The following LMO7 variants were observed in gnomAD, a reference collection of about 807,000 sequenced individuals.
The protein encoded by LMO7 is LIM domain only protein 7.
LMO7 carries 120 observed loss-of-function variants against 206.5 expected under a neutral mutation model. That is an observed-to-expected ratio of 0.58 (90% confidence interval 0.50 to 0.68). The LOEUF (loss-of-function observed/expected upper bound fraction) is 0.68. Among genes scored for constraint, LMO7 ranks in the 30% least tolerant of loss-of-function variants. The pLI is 0.00. For missense variants in LMO7, 1,959 were observed against 1,957.9 expected, an observed-to-expected ratio of 1.00 and a Z score of -0.01; for synonymous variants, 706 against 681.5, an observed-to-expected ratio of 1.04 and a Z score of -0.56.
chr13:75,628,447 G>T (rs1255588414), intron 2 of LMO7: 1 of 152,070 alleles, frequency 6.6e-6, no homozygotes, highest in Non-Finnish European at 1.5e-5. Context: ...ATACCATTAT[G>T]TAAGTACTGA....
At chr13:75,649,499 A>G (rs2037357179) in intron 1 of LMO7, among the ~76,000 whole-genome samples, 1 of 152,194 alleles carries the variant, frequency 6.6e-6, no homozygotes, top group Non-Finnish European at 1.5e-5. Context: ...AGACCATTAA[A>G]CTTGGCAACA....
chr13:75,807,491 T>C lies in LMO7; in HGVS notation c.1208T>C (p.Leu403Pro). The change falls in exon 10 of 31, where the codon CTG (leucine) becomes CCG (proline). Residue 403 changes from leucine (L) to proline (P), a missense_variant. Coordinates refer to ENST00000377534, the MANE Select transcript of LMO7 (RefSeq NM_001306080.2). ...TCTCTGTGCATCAGTCAGTTTTTAC[T>C]GCTTCAGGCCCTCCAAACATACTCT... is the stretch of plus-strand genomic sequence containing the variant. ...KEFQGFSQFL[L>P]LQALQTYSDD... The C allele has an allele frequency of 6.2e-7, 1 of 1,613,252 alleles. No individual in the cohort carries two copies. The highest frequency in any genetic ancestry group is 1.1e-5 in the South Asian group (1 of 91,058).
rs533801716 is a variant in LMO7 at position 75,808,286 on chromosome 13, C to T, written c.1916+87C>T. On this transcript the variant is annotated intron_variant, in intron 10 of 30. Transcript: ENST00000377534. ...TGCGAGAAAGCAGCTCATCGTGTTG[C>T]TCAACTCTGCATGTCGCGTGCCATT... 39 of 1,395,288 alleles carry T rather than the reference C, an allele frequency of 2.8e-5. No individual in the cohort carries two copies. In the African/African-American group the frequency reaches 4.1e-4, roughly 15 times the overall value. The allele number at this position is 1,395,288 out of a possible 1,614,324, so 86.4% of individuals were successfully genotyped here. A position where few individuals can be genotyped will look rare whatever the true frequency, so the allele number is the denominator to read the frequency against.
rs563537602 is a variant in LMO7, at chr13:75,665,953, T to A, written c.69+29227T>A. On this transcript the variant is annotated intron_variant, in intron 1 of 30. Transcript: ENST00000377534. ...GTATTTTCTATTTAAGATCCTATTT[T>A]CTAGGTTATGAAAAGAAATGTTAGA... is the stretch of plus-strand genomic sequence containing the variant. Among the ~76,000 whole-genome samples, 30 of 152,342 alleles carry A rather than the reference T, an allele frequency of 2.0e-4. No homozygotes were observed. The South Asian group carries it at 6.0e-3, about 31-fold the overall frequency.
intron 4 of LMO7, among the ~76,000 whole-genome samples, chr13:75,792,023 A>G (rs931479504): frequency 3.9e-5 from 6 of 151,926 alleles, no homozygotes; most frequent in Non-Finnish European, 8.8e-5. Context: ...CCTGGAGTGC[A>G]GTGGTGTGGT....
intron 28 of LMO7, 41 bp downstream of exon 28, chr13:75,853,429 G>A: frequency 2.7e-6 from 4 of 1,494,232 alleles, no homozygotes; most frequent in African/African-American, 1.4e-5. Context: ...TTAGTCTTGG[G>A]TATTTTTTCA....
In LMO7 at chr13:75,835,263, C is replaced by A. The variant is rs773243656; in HGVS notation, c.3257C>A (p.Thr1086Asn). ...GSPETKWIDA[T>N]SGIYNSEKSS... is the part of the protein sequence containing the mutation. The stretch of plus-strand genomic sequence containing the variant: ...CCTGAAACAAAGTGGATTGATGCAA[C>A]TTCTGGAATTTACAACTCAGAAAAA... Residue 1086 changes from threonine to asparagine, a missense_variant, in exon 18 of 31, where the codon ACT (threonine) becomes AAT (asparagine). By Grantham distance (65) the Thr-to-Asn change is moderately conservative (BLOSUM62 0). Coordinates refer to ENST00000377534, the MANE Select transcript of LMO7 (RefSeq NM_001306080.2). 1.2e-6 allele frequency: 2 copies of A among 1,611,686 alleles called. No individual in the cohort carries two copies. Among genetic ancestry groups the A allele is most frequent in the Non-Finnish European group, 1.7e-6 (2 of 1,178,820 alleles).
Position 75,853,220 on chromosome 13 carries a change from T to C in LMO7, c.4493T>C (p.Leu1498Pro), listed in dbSNP as rs1271713494. The C allele has an allele frequency of 1.9e-6, 3 of 1,614,014 alleles. No individual in the cohort carries two copies. The highest frequency in any genetic ancestry group is 2.7e-5 in the African/African-American group (2 of 74,924). ...VQDFSRPPPQ[L>P]VSTSNRAYMR... The stretch of plus-strand genomic sequence containing the variant: ...GACTTTAGTCGCCCACCACCTCAGC[T>C]GGTGTCCACATCAAACCGTGCCTAC... The change falls in exon 28 of 31, where the codon CTG (leucine) becomes CCG (proline). Residue 1498 changes from leucine (L) to proline (P), a missense_variant. Leu to Pro is a moderately conservative substitution (Grantham distance 98). Transcript: ENST00000377534.
Position 75,850,955 on chromosome 13 carries a change from TG to T in LMO7, c.4364+1664del, listed in dbSNP as rs558518460. Among the ~76,000 whole-genome samples, 626 of 152,316 alleles carry T rather than the reference TG, an allele frequency of 4.1e-3. 6 individuals are homozygous for T. The highest frequency in any genetic ancestry group is 3.8e-3 in the Non-Finnish European group (261 of 68,016). The stretch of plus-strand genomic sequence containing the variant: ...GGCCAGAGCTACTAGTTGAGGGGCC[TG>T]TGTTCTGCATATGGGCCTCTCCACA... On this transcript the variant is annotated intron_variant, in intron 27 of 30. Coordinates refer to ENST00000377534, the MANE Select transcript of LMO7 (RefSeq NM_001306080.2).
At chr13:75,729,990 G>T (rs1375598801) in intron 3 of LMO7, among the ~76,000 whole-genome samples, 1 of 151,962 alleles carries the variant, frequency 6.6e-6, no homozygotes, top group Non-Finnish European at 1.5e-5. Flanking sequence ...ACTTGATCAT[G>T]GTGGATAAGC....
At chr13:75,760,768 G>A (rs2048117079) in intron 3 of LMO7, 164 bp from the exon 4 acceptor site, 1 of 1,537,934 alleles carries the variant, frequency 6.5e-7, no homozygotes, top group Non-Finnish European at 8.7e-7. Flanking sequence ...GGCTGTACAA[G>A]CCCTATGTAT....
At chr13:75,677,496 T>C (rs2040108115) in intron 1 of LMO7, among the ~76,000 whole-genome samples, 1 of 152,176 alleles carries the variant, frequency 6.6e-6, no homozygotes, top group African/African-American at 2.4e-5. Context: ...CAGACAAATA[T>C]ATGGAATGAC....
chr13:75,678,991 G>A (rs942448856), intron 1 of LMO7, among the ~76,000 whole-genome samples: 5 of 152,140 alleles, frequency 3.3e-5, no homozygotes, highest in Admixed American at 6.5e-5. Flanking sequence ...TGTGCTCAGC[G>A]TCTCCAGTGA....
chr13:75,776,135 AT>A (rs1322491442), intron 4 of LMO7, among the ~76,000 whole-genome samples: 2 of 122,814 alleles, frequency 1.6e-5, no homozygotes, highest in African/African-American at 5.6e-5. Context: ...ACATATATAT[AT>A]ATATATATGC....
At chr13:75,730,968 G>T (rs1362883955) in intron 3 of LMO7, among the ~76,000 whole-genome samples, 938 of 139,262 alleles carry the variant, frequency 6.7e-3, no homozygotes, top group African/African-American at 0.016. Context: ...CTGAGTTCTA[G>T]TTTGATTGCC....
chr13:75,669,553 A>T lies in LMO7; in HGVS notation c.69+32827A>T, dbSNP rs145341883. Among the ~76,000 whole-genome samples, 361 of 152,246 alleles carry T rather than the reference A, an allele frequency of 2.4e-3. 1 individual carries two copies. The highest frequency in any genetic ancestry group is 0.01 in the Middle Eastern group (3 of 294). Reference sequence around the variant, plus strand: ...AGTCTGGGTGATAAGGCAAGGAGAGATTGCATGATAGAGGGGAATAAAATG... The same window carrying T: ...AGTCTGGGTGATAAGGCAAGGAGAGTTTGCATGATAGAGGGGAATAAAATG... On this transcript the variant is annotated intron_variant, in intron 1 of 30. Transcript: ENST00000377534.
chr13:75,725,257 G>T (rs1418136936), intron 2 of LMO7, among the ~76,000 whole-genome samples: 1 of 152,040 alleles, frequency 6.6e-6, no homozygotes, highest in Non-Finnish European at 1.5e-5. Context: ...ACTCAAATAG[G>T]TGGAGCAGAA....
At chr13:75,731,996 T>C (rs1361166155) in intron 3 of LMO7, among the ~76,000 whole-genome samples, 3 of 152,254 alleles carry the variant, frequency 2.0e-5, no homozygotes. Context: ...ACAGATCCGC[T>C]GTTAGTCTGA....
In LMO7 at chr13:75,844,965, A is replaced by G. The variant is rs148186644; in HGVS notation, c.4098-362A>G. On this transcript the variant is annotated intron_variant, in intron 25 of 30. Transcript: ENST00000377534. ...AGTGTGGGGGAAGTGGGACAGTCTGACTGTAGGTGATCTGATGGCAGATGG... is the reference window on the plus strand; with the variant it reads ...AGTGTGGGGGAAGTGGGACAGTCTGGCTGTAGGTGATCTGATGGCAGATGG... Among the ~76,000 whole-genome samples the G allele has an allele frequency of 4.3e-3, 662 of 152,244 alleles. 8 individuals carry two copies. The highest frequency in any genetic ancestry group is 0.015 in the African/African-American group (620 of 41,530).
Sources: gnomAD v4.1 joint callset for allele counts (sites outside exome capture counted in the v4.1 genomes callset) on GRCh38, gnomAD v4.1.1 for gene constraint, MANE v1.5 for transcripts, NCBI Gene and HGNC (gene_info 2026-07-23, HGNC 2026-07-21) for gene names.